AMBRA1: variants seen among roughly 807,000 people sequenced by gnomAD.
The protein encoded by AMBRA1 is autophagy and beclin 1 regulator 1, also known as activating molecule in BECN1-regulated autophagy protein 1.
A neutral mutation model predicts 125.4 loss-of-function variants in AMBRA1; 47 were observed. That is an observed-to-expected ratio of 0.37 (90% CI 0.30 to 0.48). AMBRA1 has a LOEUF of 0.48. Ranked by LOEUF, AMBRA1 falls within the 20% of genes least tolerant of loss-of-function variation. The pLI, the probability that AMBRA1 is intolerant of heterozygous loss-of-function variation, is 0.99. For synonymous variants in AMBRA1, 626 were observed against 655.5 expected (o/e 0.95, Z 0.69); for missense variants, 1,331 against 1,693.4 (o/e 0.79, Z 3.76).
At chr11:46,464,888 T>G (rs574660463) in intron 11 of AMBRA1, among the ~76,000 whole-genome samples, 1 of 151,990 alleles carries the variant, frequency 6.6e-6, no homozygotes, top group Admixed American at 6.6e-5. Context: ...CTACTAAAAA[T>G]ACAAAAATTA....
At chr11:46,447,258 C>T (rs1590828958) in intron 11 of AMBRA1, among the ~76,000 whole-genome samples, 1 of 151,132 alleles carries the variant, frequency 6.6e-6, no homozygotes, top group African/African-American at 2.4e-5. Context: ...AAAAAGGCCA[C>T]GCGCAGTAGC....
intron 11 of AMBRA1, among the ~76,000 whole-genome samples, chr11:46,472,809 T>G (rs1286019486): frequency 6.6e-6 from 1 of 152,148 alleles, no homozygotes; most frequent in Non-Finnish European, 1.5e-5. Flanking sequence ...TGTCACTGAG[T>G]CACTGAGCAG....
At chr11:46,473,397 GA>G (rs1241516963) in intron 11 of AMBRA1, among the ~76,000 whole-genome samples, 1 of 152,250 alleles carries the variant, frequency 6.6e-6, no homozygotes, top group East Asian at 1.9e-4. Flanking sequence ...GTGACACAGA[GA>G]AAAGTAGAGA....
At position 46,543,369 on chromosome 11, in the gene AMBRA1, A is replaced by G. The variant is rs1304376361; in HGVS notation, c.648T>C (p.Asp216=). ...GACGGTAGTGGGATAATTCTGTTCC[A>G]TCTATGGGGATCTCTGGTTCGTCAT... The part of the protein sequence containing the change: ...QGDDEPEIPI[D]GTELSHYRQR... Residue 216 remains aspartate, a synonymous_variant, in exon 7 of 18, where the codon GAT becomes GAC. Transcript: ENST00000683756. 10 of 1,613,856 alleles carry G rather than the reference A, an allele frequency of 6.2e-6. No individual in the cohort carries two copies. Among genetic ancestry groups the G allele is most frequent in the Non-Finnish European group, 8.5e-6 (10 of 1,179,938 alleles).
At chr11:46,566,117 G>T (rs1357382879) in intron 1 of AMBRA1, among the ~76,000 whole-genome samples, 4 of 152,098 alleles carry the variant, frequency 2.6e-5, no homozygotes, top group Non-Finnish European at 5.9e-5. Context: ...ATACTGTGTA[G>T]CAATTAAAAA....
chr11:46,466,234 C>T (rs1467576054), intron 11 of AMBRA1, among the ~76,000 whole-genome samples: 1 of 152,060 alleles, frequency 6.6e-6, no homozygotes, highest in Non-Finnish European at 1.5e-5. Flanking sequence ...GTAGTCCCAG[C>T]TACTTGGGAG....
chr11:46,547,218 C>G lies in AMBRA1; in HGVS notation c.273G>C (p.Leu91=). Residue 91 remains leucine, a synonymous_variant, in exon 4 of 18, where the codon CTG becomes CTC. Coordinates refer to ENST00000683756, the MANE Select transcript of AMBRA1 (RefSeq NM_001387011.1). ...ACCATGGAGTACGGCGGTGTCCAAT[C>G]AGGGAATGAACACACTTGCCAGTCT... The part of the protein sequence containing the change: ...EVKTGKCVHS[L]IGHRRTPWCV... The G allele has an allele frequency of 6.2e-7, 1 of 1,614,076 alleles. No individual in the cohort carries two copies. Among genetic ancestry groups the G allele is most frequent in the Non-Finnish European group, 8.5e-7 (1 of 1,180,016 alleles).
chr11:46,522,868 A>C (rs1951820510), intron 7 of AMBRA1, among the ~76,000 whole-genome samples: 2 of 152,226 alleles, frequency 1.3e-5, no homozygotes, highest in African/African-American at 4.8e-5. Flanking sequence ...AAGGCCATTC[A>C]TTAAGAAGTG....
chr11:46,434,801 A>C, intron 13 of AMBRA1, 48 bp downstream of exon 13: 1 of 1,527,530 alleles, frequency 6.5e-7, no homozygotes, highest in Non-Finnish European at 8.8e-7. Flanking sequence ...TGACCATGCC[A>C]AGGCACCAGC....
chr11:46,542,155 C>G lies in AMBRA1; in HGVS notation c.1862G>C (p.Arg621Pro). Reference protein sequence around the residue: ...SSGSQLPPLERTEGQTPSSSR... With the variant: ...SSGSQLPPLEPTEGQTPSSSR... ...GGAGCTGGGCGTTTGGCCCTCAGTC[C>G]GCTCGAGAGGTGGCAACTGGCTGCC... The change falls in exon 7 of 18, where the codon CGG (arginine) becomes CCG (proline). Residue 621 changes from arginine to proline, a missense_variant. Physicochemically the swap from Arg to Pro is moderately radical, Grantham distance 103 (BLOSUM62 -2). Coordinates refer to ENST00000683756, the MANE Select transcript of AMBRA1 (RefSeq NM_001387011.1). The surrounding 1 kb of genome is among the most constrained non-coding windows in gnomAD (Gnocchi z 5.9). 1 of 1,613,668 alleles carries G rather than the reference C, an allele frequency of 6.2e-7. No homozygotes were observed. The highest frequency in any genetic ancestry group is 8.5e-7 in the Non-Finnish European group (1 of 1,179,774).
At chr11:46,548,802 G>GC (rs1187675582) in intron 1 of AMBRA1, among the ~76,000 whole-genome samples, 1 of 152,140 alleles carries the variant, frequency 6.6e-6, no homozygotes, top group Non-Finnish European at 1.5e-5. Flanking sequence ...AGACAGCCTG[G>GC]CCAACATGGT....
At chr11:46,470,979 G>A (rs1190107124) in intron 11 of AMBRA1, among the ~76,000 whole-genome samples, 1 of 152,158 alleles carries the variant, frequency 6.6e-6, no homozygotes, top group East Asian at 1.9e-4. Flanking sequence ...GATCCATGGA[G>A]AAATATAAAA....
intron 7 of AMBRA1, among the ~76,000 whole-genome samples, chr11:46,522,167 C>A (rs1358579545): frequency 6.6e-6 from 1 of 152,168 alleles, no homozygotes; most frequent in Non-Finnish European, 1.5e-5. Flanking sequence ...CAGCCAGTTC[C>A]CCCTGGGAAC....
chr11:46,518,041 T>C, intron 7 of AMBRA1: 2 of 864,254 alleles, frequency 2.3e-6, no homozygotes, highest in South Asian at 1.1e-4. Flanking sequence ...TTCTGCAAGT[T>C]TGAAATTATT....
intron 11 of AMBRA1, among the ~76,000 whole-genome samples, chr11:46,485,218 G>A (rs1030843471): frequency 3.3e-5 from 5 of 152,226 alleles, no homozygotes; most frequent in African/African-American, 7.2e-5. Flanking sequence ...GATTACAGGC[G>A]TGAGCCCCTA....
At chr11:46,483,468 C>G (rs949907933) in intron 11 of AMBRA1, among the ~76,000 whole-genome samples, 9 of 152,220 alleles carry the variant, frequency 5.9e-5, no homozygotes, top group African/African-American at 2.2e-4. Flanking sequence ...CACAGGTTGG[C>G]TCCACTTTGG....
rs527973932 is a variant in AMBRA1, at chr11:46,586,741, T to C, written c.-121+7087A>G. On this transcript the variant is annotated intron_variant, in intron 1 of 17. Coordinates refer to ENST00000683756, the MANE Select transcript of AMBRA1 (RefSeq NM_001387011.1). ...CAACAACTGTATGGTATTTTACAGA[T>C]GAGGAGAGGCACAGAGAGACTAAGT... Among the ~76,000 whole-genome samples, 20 of 152,314 alleles carry C rather than the reference T, an allele frequency of 1.3e-4. No individual in the cohort carries two copies. In the South Asian group the frequency reaches 3.7e-3, roughly 28 times the overall value.
chr11:46,543,866 G>A (rs1395249084), intron 6 of AMBRA1, 109 bp downstream of exon 6: 2 of 907,920 alleles, frequency 2.2e-6, no homozygotes, highest in East Asian at 2.4e-5. Context: ...TGACTGGAAA[G>A]ATAAGACTTG....
chr11:46,479,969 G>T (rs920302493), intron 11 of AMBRA1, among the ~76,000 whole-genome samples: 19 of 152,062 alleles, frequency 1.2e-4, no homozygotes, highest in African/African-American at 4.3e-4. Context: ...GCCTGTGTTC[G>T]GGTCTGTCTC....
Sources: allele counts gnomAD v4.1 joint callset (sites outside exome capture counted in the v4.1 genomes callset), GRCh38; gene constraint gnomAD v4.1.1; non-coding constraint Gnocchi (gnomAD v3.1); transcripts MANE v1.5; gene names NCBI Gene and HGNC (gene_info 2026-07-23, HGNC 2026-07-21).